GSK3B: variants seen among roughly 807,000 people sequenced by gnomAD.
GSK3B encodes the protein glycogen synthase kinase-3 beta.
Under a neutral mutation model 56.4 loss-of-function variants are expected in GSK3B, and 15 were observed. The observed-to-expected ratio is 0.27, with a 90% CI of 0.18 to 0.41. GSK3B has a LOEUF of 0.41. GSK3B is among the 10% of genes least tolerant of loss of function. GSK3B has a pLI of 1.00. For synonymous variants in GSK3B, 181 were observed against 188.9 expected, an observed-to-expected ratio of 0.96 and a Z score of 0.34; for missense variants, 300 against 513.4, an observed-to-expected ratio of 0.58 and a Z score of 4.02.
chr3:119,920,546 G>C (rs1462358971), intron 4 of GSK3B, among the ~76,000 whole-genome samples: 1 of 152,104 alleles, frequency 6.6e-6, no homozygotes, highest in African/African-American at 2.4e-5. Context: ...CCTGACCTCA[G>C]TGTTTCTTTA....
At chr3:119,875,353 C>G (rs944296744) in intron 8 of GSK3B, among the ~76,000 whole-genome samples, 2 of 151,820 alleles carry the variant, frequency 1.3e-5, no homozygotes, top group South Asian at 4.2e-4. Context: ...CACCTATAGC[C>G]CTAAATGACT....
intron 3 of GSK3B, among the ~76,000 whole-genome samples, chr3:119,930,831 T>C (rs2056938904): frequency 6.6e-6 from 1 of 152,248 alleles, no homozygotes; most frequent in East Asian, 1.9e-4. Context: ...CTACTTTGTA[T>C]AGCTCATGCT....
chr3:119,873,472 C>T (rs79889946), intron 8 of GSK3B, among the ~76,000 whole-genome samples: 3,930 of 152,156 alleles, frequency 0.026, 173 homozygotes, highest in African/African-American at 0.089. Flanking sequence ...AAAGTGGTTC[C>T]TGTTTCCAGA....
chr3:120,084,537 G>T (rs1036695942), intron 1 of GSK3B: 4 of 152,054 alleles, frequency 2.6e-5, no homozygotes, highest in Admixed American at 2.6e-4. Context: ...AACAACTAAG[G>T]GGTGCTTGAT....
In GSK3B at chr3:120,078,481, A is replaced by C. The variant is rs370211480; in HGVS notation, c.88+14866T>G. Among the ~76,000 whole-genome samples the C allele has an allele frequency of 5.3e-5, 8 of 152,124 alleles. No homozygotes were observed. In the East Asian group the frequency reaches 7.7e-4, roughly 15 times the overall value. ...TACGACAAACACACCCTTTGTTTCT[A>C]ACTAAGTTCTCCTTCTCCAATGTAG... On this transcript the variant is annotated intron_variant, in intron 1 of 10. Transcript: ENST00000264235.
intron 2 of GSK3B, among the ~76,000 whole-genome samples, chr3:119,973,926 A>G (rs1014051998): frequency 1.3e-5 from 2 of 152,198 alleles, no homozygotes; most frequent in Non-Finnish European, 2.9e-5. Flanking sequence ...AAATGAATCT[A>G]AGCATAGACC....
chr3:119,993,383 G>A (rs978427513), intron 2 of GSK3B, among the ~76,000 whole-genome samples: 11 of 151,638 alleles, frequency 7.3e-5, no homozygotes, highest in South Asian at 2.1e-4. Context: ...TCTAAGAAGC[G>A]ATACATACAG....
chr3:120,089,618 A>G (rs2058494146), intron 1 of GSK3B, among the ~76,000 whole-genome samples: 1 of 152,232 alleles, frequency 6.6e-6, no homozygotes, highest in Non-Finnish European at 1.5e-5. Flanking sequence ...TTATATGAGG[A>G]AACAACTTAA....
Position 119,854,038 on chromosome 3 carries a change from TATG to T in GSK3B, c.1096+9378_1096+9380del, listed in dbSNP as rs887252759. Among the ~76,000 whole-genome samples, 13 of 152,214 alleles carry T rather than the reference TATG, an allele frequency of 8.5e-5. 1 individual carries two copies. Among genetic ancestry groups the T allele is most frequent in the African/African-American group, 2.9e-4 (12 of 41,456 alleles). On this transcript the variant is annotated intron_variant, in intron 9 of 10. Transcript: ENST00000264235. ...ATGCTTCCAGTTTTTGCCCATTCAG[TATG>T]ATATTGGCTGTGGGTTTGTCATAAA...
chr3:119,925,807 CT>C (rs1207384761), intron 3 of GSK3B, among the ~76,000 whole-genome samples: 1 of 152,098 alleles, frequency 6.6e-6, no homozygotes, highest in Admixed American at 6.5e-5. Flanking sequence ...TATTCTAAAA[CT>C]TTCTCCAACA....
chr3:119,851,160 T>C (rs111702920), intron 9 of GSK3B, among the ~76,000 whole-genome samples: 1 of 152,184 alleles, frequency 6.6e-6, no homozygotes, highest in African/African-American at 2.4e-5. Context: ...AATGCACAAT[T>C]TAAACAAAAG....
chr3:120,009,614 C>G (rs1246137980), intron 1 of GSK3B, among the ~76,000 whole-genome samples: 1 of 152,086 alleles, frequency 6.6e-6, no homozygotes, highest in Non-Finnish European at 1.5e-5. Flanking sequence ...ACCGCATGTT[C>G]TCACTCATAA....
At chr3:120,003,582 GTAATA>G in intron 1 of GSK3B, among the ~76,000 whole-genome samples, 2 of 152,114 alleles carry the variant, frequency 1.3e-5, no homozygotes, top group South Asian at 4.2e-4. Flanking sequence ...TAAAAGAAAA[GTAATA>G]TAATATTTAT....
At chr3:119,912,573 C>A in intron 6 of GSK3B, 131 bp downstream of exon 6, 1 of 447,602 alleles carries the variant, frequency 2.2e-6, no homozygotes, top group Non-Finnish European at 4.0e-6. Flanking sequence ...GCATCTCAAG[C>A]TTTAAGAAAA....
chr3:120,081,062 G>A (rs547415798), intron 1 of GSK3B, among the ~76,000 whole-genome samples: 7 of 152,150 alleles, frequency 4.6e-5, no homozygotes, highest in South Asian at 2.1e-4. Flanking sequence ...AGGGGATACC[G>A]TAGTAGCGTC....
intron 8 of GSK3B, among the ~76,000 whole-genome samples, chr3:119,864,855 A>C (rs1471455101): frequency 6.6e-6 from 1 of 152,214 alleles, no homozygotes; most frequent in Non-Finnish European, 1.5e-5. Context: ...TTTCCATGAA[A>C]ATTGAGAAAT....
chr3:120,044,631 T>C (rs962485211), intron 1 of GSK3B, among the ~76,000 whole-genome samples: 15 of 152,348 alleles, frequency 9.8e-5, no homozygotes, highest in Middle Eastern at 3.4e-3. Context: ...ATTTGAATCA[T>C]TGCCTCCATG....
chr3:119,873,181 A>G (rs2056269144), intron 8 of GSK3B, among the ~76,000 whole-genome samples: 1 of 152,138 alleles, frequency 6.6e-6, no homozygotes, highest in African/African-American at 2.4e-5. Context: ...AGGGCAACTT[A>G]TTGGAGTTTT....
chr3:119,997,168 T>C (rs1040906179), intron 2 of GSK3B, among the ~76,000 whole-genome samples: 2 of 152,172 alleles, frequency 1.3e-5, no homozygotes, highest in Non-Finnish European at 2.9e-5. Flanking sequence ...TAATAATATT[T>C]AGAAAAGCAA....
Sources: gnomAD v4.1 joint callset for allele counts (sites outside exome capture counted in the v4.1 genomes callset) on GRCh38, gnomAD v4.1.1 for gene constraint, MANE v1.5 for transcripts, NCBI Gene and HGNC (gene_info 2026-07-23, HGNC 2026-07-21) for gene names.